The following CNTNAP2 variants were observed in gnomAD, a reference collection of about 807,000 sequenced individuals.
The protein encoded by CNTNAP2 is contactin-associated protein-like 2.
CNTNAP2 carries 98 observed loss-of-function variants against 155.2 expected under a neutral mutation model. The observed-to-expected ratio is 0.63, with a 90% CI of 0.54 to 0.75. The LOEUF is 0.75. Among genes scored for constraint, CNTNAP2 ranks in the 30% least tolerant of loss-of-function variants. The pLI is 0.00. For missense variants in CNTNAP2, 1,727 were observed against 1,688.1 expected (o/e 1.02, Z -0.40); for synonymous variants, 651 against 631.2 (o/e 1.03, Z -0.47).
In CNTNAP2 at chr7:147,602,438, TA is replaced by T. The variant is rs1800967234; in HGVS notation, c.1898-36666del. ...AAATATTACCACATCAATGGGCAAT[TA>T]ATATAAAAGTTTATTAATGGGATAT... On this transcript the variant is annotated intron_variant, in intron 12 of 23. Coordinates refer to ENST00000361727, the MANE Select transcript of CNTNAP2 (RefSeq NM_014141.6). Among the ~76,000 whole-genome samples, 16 of 152,090 alleles carry T rather than the reference TA, an allele frequency of 1.1e-4. 1 individual carries two copies. The highest frequency in any genetic ancestry group is 8.5e-4 in the Admixed American group (13 of 15,264).
chr7:147,954,426 A>G (rs1372019607), intron 14 of CNTNAP2, among the ~76,000 whole-genome samples: 1 of 151,980 alleles, frequency 6.6e-6, no homozygotes, highest in Admixed American at 6.6e-5. Context: ...TAGTTTCACC[A>G]TTATACAGAA....
At chr7:147,856,333 C>G (rs900518367) in intron 13 of CNTNAP2, among the ~76,000 whole-genome samples, 2 of 152,158 alleles carry the variant, frequency 1.3e-5, no homozygotes, top group Non-Finnish European at 2.9e-5. Context: ...ATTGGCCAAG[C>G]AGCGGACTCA....
At chr7:148,160,349 T>G (rs1345462546) in intron 17 of CNTNAP2, among the ~76,000 whole-genome samples, 1 of 151,210 alleles carries the variant, frequency 6.6e-6, no homozygotes, top group Non-Finnish European at 1.5e-5. Context: ...AGGTCATAGC[T>G]GCAGTGAGCC....
chr7:147,990,678 T>A (rs1801697253), intron 15 of CNTNAP2, among the ~76,000 whole-genome samples: 1 of 152,086 alleles, frequency 6.6e-6, no homozygotes, highest in Non-Finnish European at 1.5e-5. Context: ...GGCGATTTTT[T>A]TATCAAGGGG....
At chr7:148,068,646 G>A (rs11763204) in intron 15 of CNTNAP2, among the ~76,000 whole-genome samples, 30,210 of 152,100 alleles carry the variant, frequency 0.2, 3,649 homozygotes, top group East Asian at 0.49. Context: ...CATGAGGTGA[G>A]ACCAGCACAG....
chr7:148,399,219 G>A lies in CNTNAP2; in HGVS notation c.3716-10172G>A, dbSNP rs577482737. ...TTCCACCCTGATCTGGCTGTATCCC[G>A]CATTGCACCCATGCAGCAGCAGAAC... On this transcript the variant is annotated intron_variant, in intron 22 of 23. Transcript: ENST00000361727. 5.9e-5 allele frequency among the ~76,000 whole-genome samples: 9 copies of A among 152,184 alleles called. No homozygotes were observed. In the East Asian group the frequency reaches 1.4e-3, roughly 23 times the overall value.
intron 3 of CNTNAP2, among the ~76,000 whole-genome samples, chr7:146,964,579 T>C (rs1797619951): frequency 6.6e-6 from 1 of 152,222 alleles, no homozygotes; most frequent in Non-Finnish European, 1.5e-5. Context: ...ATCTTAAACC[T>C]GGAACTGGAC....
At chr7:147,380,392 A>G (rs1248691036) in intron 9 of CNTNAP2, among the ~76,000 whole-genome samples, 1 of 152,120 alleles carries the variant, frequency 6.6e-6, no homozygotes, top group East Asian at 1.9e-4. Flanking sequence ...ATAACATGTA[A>G]AACCATCTTA....
intron 2 of CNTNAP2, among the ~76,000 whole-genome samples, chr7:146,793,129 T>C (rs1241830638): frequency 6.6e-6 from 1 of 152,214 alleles, no homozygotes; most frequent in Non-Finnish European, 1.5e-5. Context: ...TTTTAAAATC[T>C]GGTGTGTATG....
Position 148,375,576 on chromosome 7 carries a change from G to A in CNTNAP2, c.3476-8073G>A, listed in dbSNP as rs868398130. ...GGGTTTCACCATGTTGGCCAGGCTG[G>A]TCTCAAACTCCTGACCTCGTGATCC... On this transcript the variant is annotated intron_variant, in intron 21 of 23. Coordinates refer to ENST00000361727, the MANE Select transcript of CNTNAP2 (RefSeq NM_014141.6). 4.0e-5 allele frequency among the ~76,000 whole-genome samples: 6 copies of A among 150,472 alleles called. 1 individual carries two copies. Among genetic ancestry groups the A allele is most frequent in the Middle Eastern group, 6.8e-3 (2 of 294 alleles).
intron 3 of CNTNAP2, among the ~76,000 whole-genome samples, chr7:146,880,264 C>T (rs536008325): frequency 2.0e-5 from 3 of 152,018 alleles, no homozygotes; most frequent in South Asian, 4.2e-4. Context: ...GAAGTTGGAG[C>T]CTTCGTGATG....
intron 14 of CNTNAP2, 72 bp downstream of exon 14, chr7:147,903,793 A>G (rs936458318): frequency 6.4e-7 from 1 of 1,560,506 alleles, no homozygotes. Context: ...ATGTGATAGA[A>G]GAAAGTTTGA....
chr7:147,972,421 G>C (rs1426045116), intron 14 of CNTNAP2, among the ~76,000 whole-genome samples: 1 of 152,102 alleles, frequency 6.6e-6, no homozygotes, highest in Admixed American at 6.5e-5. Flanking sequence ...TTTCTTTAGG[G>C]CTTCATTTTT....
At chr7:148,365,337 T>C (rs1798716947) in intron 21 of CNTNAP2, among the ~76,000 whole-genome samples, 1 of 152,210 alleles carries the variant, frequency 6.6e-6, no homozygotes, top group Non-Finnish European at 1.5e-5. Flanking sequence ...AGCTTTTTTG[T>C]CTTTCACTTA....
intron 1 of CNTNAP2, among the ~76,000 whole-genome samples, chr7:146,223,697 G>T (rs983478501): frequency 6.6e-6 from 1 of 152,128 alleles, no homozygotes; most frequent in East Asian, 1.9e-4. Context: ...CAAGCTTCCC[G>T]CTTTTCACTT....
chr7:147,167,051 C>G (rs1047580434), intron 8 of CNTNAP2, among the ~76,000 whole-genome samples: 12 of 152,238 alleles, frequency 7.9e-5, no homozygotes, highest in African/African-American at 2.4e-4. Context: ...CTCTTTTCCT[C>G]TGAACAACCC....
intron 1 of CNTNAP2, among the ~76,000 whole-genome samples, chr7:146,507,203 G>A (rs1358073277): frequency 6.6e-6 from 1 of 152,162 alleles, no homozygotes; most frequent in African/African-American, 2.4e-5. Flanking sequence ...AAGCCTGAAG[G>A]GTGGCATATA....
chr7:146,609,246 T>C (rs1403724838), intron 1 of CNTNAP2, among the ~76,000 whole-genome samples: 2 of 152,206 alleles, frequency 1.3e-5, no homozygotes, highest in African/African-American at 4.8e-5. Context: ...GTGGTATTGT[T>C]TTGTCTTCTT....
intron 13 of CNTNAP2, among the ~76,000 whole-genome samples, chr7:147,703,884 G>T (rs1176408394): frequency 6.6e-6 from 1 of 151,986 alleles, no homozygotes; most frequent in Non-Finnish European, 1.5e-5. Context: ...CCCAGCCTCT[G>T]GTAACCATTA....
Sources: allele counts gnomAD v4.1 joint callset (sites outside exome capture counted in the v4.1 genomes callset), GRCh38; gene constraint gnomAD v4.1.1; transcripts MANE v1.5; gene names NCBI Gene and HGNC (gene_info 2026-07-23, HGNC 2026-07-21).